ELAPOR2: variants seen among roughly 807,000 people sequenced by gnomAD.
ELAPOR2 encodes endosome/lysosome-associated apoptosis and autophagy regulator family member 2.
In ELAPOR2, 89 loss-of-function variants were observed where a neutral mutation model predicts 120.7. The observed-to-expected ratio is 0.74, with a 90% CI of 0.62 to 0.88. The LOEUF is 0.88. ELAPOR2 is among the 40% of genes least tolerant of loss of function. ELAPOR2 has a pLI of 0.00. For synonymous variants in ELAPOR2, 444 were observed against 444.9 expected (o/e 1.00, Z 0.03); for missense variants, 1,134 against 1,251.6 (o/e 0.91, Z 1.42).
chr7:87,006,763 C>T (rs1264309458), intron 1 of ELAPOR2, among the ~76,000 whole-genome samples: 1 of 152,074 alleles, frequency 6.6e-6, no homozygotes, highest in Non-Finnish European at 1.5e-5. Flanking sequence ...ATATTCACAG[C>T]CACTTATTAT....
intron 10 of ELAPOR2, among the ~76,000 whole-genome samples, chr7:86,922,173 A>G (rs1318584804): frequency 6.6e-6 from 1 of 152,074 alleles, no homozygotes; most frequent in Non-Finnish European, 1.5e-5. Flanking sequence ...AACAGTGTCA[A>G]CCAGAATGTT....
At chr7:87,049,904 C>T (rs914223336) in intron 1 of ELAPOR2, among the ~76,000 whole-genome samples, 2 of 152,126 alleles carry the variant, frequency 1.3e-5, no homozygotes, top group African/African-American at 2.4e-5. Flanking sequence ...ATGAGGGCTC[C>T]ATCCTCATAT....
At chr7:86,973,475 G>A (rs1048135923) in intron 1 of ELAPOR2, among the ~76,000 whole-genome samples, 2 of 151,954 alleles carry the variant, frequency 1.3e-5, no homozygotes, top group African/African-American at 2.4e-5. Context: ...TTCTCTTTCA[G>A]GTCCACCCCT....
chr7:86,891,984 T>C (rs940804439), intron 20 of ELAPOR2, 95 bp from the exon 21 acceptor site: 23 of 811,580 alleles, frequency 2.8e-5, no homozygotes, highest in Non-Finnish European at 4.1e-5. Flanking sequence ...GCTCATTAAA[T>C]TGACTTGGAG....
At position 86,878,273 on chromosome 7, in the gene ELAPOR2, C is replaced by G. The variant is rs1418880546; in HGVS notation, c.*2198G>C. 6.6e-6 allele frequency: 1 copy of G among 152,204 alleles called. No homozygotes were observed. Among genetic ancestry groups the G allele is most frequent in the African/African-American group, 2.4e-5 (1 of 41,452 alleles). The allele number at this position is 152,204 out of a possible 1,614,324, so 9.4% of individuals were successfully genotyped here. On this transcript the variant is annotated 3_prime_UTR_variant, in exon 22 of 22. Transcript: ENST00000450689. Reference sequence around the variant, plus strand: ...AAATATTTTCCCCATAATATTCTTTCTGTCATACTTCTTCAGTGCTTGAAA... The same window carrying G: ...AAATATTTTCCCCATAATATTCTTTGTGTCATACTTCTTCAGTGCTTGAAA...
chr7:86,947,475 T>C lies in ELAPOR2; in HGVS notation c.506+252A>G, dbSNP rs181454214. Reference sequence around the variant, plus strand: ...AGTGGCTTAAATGTAGTTATAAATATGAGAAAATTAATTTGCTTCTCTAAC... The same window carrying C: ...AGTGGCTTAAATGTAGTTATAAATACGAGAAAATTAATTTGCTTCTCTAAC... On this transcript the variant is annotated intron_variant, in intron 3 of 21. Transcript: ENST00000450689. Among the ~76,000 whole-genome samples, 281 of 152,332 alleles carry C rather than the reference T, an allele frequency of 1.8e-3. 1 individual carries two copies. The highest frequency in any genetic ancestry group is 5.5e-3 in the African/African-American group (227 of 41,560).
intron 1 of ELAPOR2, among the ~76,000 whole-genome samples, chr7:87,016,605 C>T (rs1793874007): frequency 6.6e-6 from 1 of 151,012 alleles, no homozygotes; most frequent in Non-Finnish European, 1.5e-5. Flanking sequence ...GATGTAAGAA[C>T]TGACCATACT....
intron 1 of ELAPOR2, among the ~76,000 whole-genome samples, chr7:87,050,889 G>T (rs1200285112): frequency 6.6e-6 from 1 of 152,182 alleles, no homozygotes; most frequent in African/African-American, 2.4e-5. Context: ...AGTGGAGATT[G>T]CAGAGTTCTA....
chr7:87,055,573 C>G (rs528092656), intron 1 of ELAPOR2, among the ~76,000 whole-genome samples: 65 of 152,092 alleles, frequency 4.3e-4, no homozygotes, highest in Admixed American at 6.6e-4. Context: ...GTCTTTCCCC[C>G]AAACTAGCCT....
At chr7:87,049,655 A>G (rs750648861) in intron 1 of ELAPOR2, among the ~76,000 whole-genome samples, 3 of 152,178 alleles carry the variant, frequency 2.0e-5, no homozygotes, top group Non-Finnish European at 4.4e-5. Flanking sequence ...ATGAGGGACA[A>G]AGCCAAGTAA....
chr7:86,884,882 G>T lies in ELAPOR2; in HGVS notation c.3031-4352C>A, dbSNP rs140996886. Among the ~76,000 whole-genome samples the T allele has an allele frequency of 1.6e-3, 237 of 152,266 alleles. 1 individual carries two copies. The highest frequency in any genetic ancestry group is 5.4e-3 in the African/African-American group (224 of 41,564). On this transcript the variant is annotated intron_variant, in intron 21 of 21. Transcript: ENST00000450689. ...CTTGCAATCTATCATGCAAATTTTAGATATATTCATAGATGACAGTAAAAA... is the reference window on the plus strand; with the variant it reads ...CTTGCAATCTATCATGCAAATTTTATATATATTCATAGATGACAGTAAAAA...
At position 86,880,916 on chromosome 7, in the gene ELAPOR2, A is replaced by T. The variant is rs111253399; in HGVS notation, c.3031-386T>A. Reference sequence around the variant, plus strand: ...AAAACAGAACTGACTAAATATTTTCAGGATAATATAGGCAGAATAATAAGA... The same window carrying T: ...AAAACAGAACTGACTAAATATTTTCTGGATAATATAGGCAGAATAATAAGA... On this transcript the variant is annotated intron_variant, in intron 21 of 21. Transcript: ENST00000450689. Among the ~76,000 whole-genome samples the T allele has an allele frequency of 5.9e-5, 9 of 152,198 alleles. 2 individuals carry two copies. Among genetic ancestry groups the T allele is most frequent in the Admixed American group, 2.6e-4 (4 of 15,284 alleles).
intron 1 of ELAPOR2, among the ~76,000 whole-genome samples, chr7:86,969,190 C>A (rs1030751999): frequency 1.4e-4 from 21 of 151,966 alleles, no homozygotes; most frequent in Admixed American, 1.3e-3. Flanking sequence ...TATCTTACAC[C>A]AAAAACACAA....
chr7:86,940,007 T>C lies in ELAPOR2; in HGVS notation c.847+3A>G. ...ACTACTAAAACAGAATGCCATGAAA[T>C]ACCTTCAATTGTGATATTTTTTACC... On this transcript the variant is annotated splice_donor_region_variant and intron_variant, in intron 6 of 21. Transcript: ENST00000450689. 1.3e-6 allele frequency: 2 copies of C among 1,577,670 alleles called. No individual in the cohort carries two copies. Among genetic ancestry groups the C allele is most frequent in the Non-Finnish European group, 1.7e-6 (2 of 1,151,442 alleles).
Position 86,926,789 on chromosome 7 carries a change from C to A in ELAPOR2, c.1217G>T (p.Gly406Val). The stretch of plus-strand genomic sequence containing the variant: ...AGGACAGGGATGGCAAGAAGATGAT[C>A]CATTGTTATAAAATCCAGGGTTGCA... ...PPCNPGFYNN[G>V]SSSCHPCPPG... The change falls in exon 9 of 22, where the codon GGA becomes GTA. Residue 406 changes from glycine (G) to valine (V), a missense_variant. Physicochemically the swap from Gly to Val is moderately radical, Grantham distance 109. Transcript: ENST00000450689. The A allele has an allele frequency of 6.2e-7, 1 of 1,611,770 alleles. No individual in the cohort carries two copies. The highest frequency in any genetic ancestry group is 8.5e-7 in the Non-Finnish European group (1 of 1,178,700).
chr7:87,050,319 T>C lies in ELAPOR2; in HGVS notation c.189+9006A>G, dbSNP rs184228425. Among the ~76,000 whole-genome samples, 363 of 152,258 alleles carry C rather than the reference T, an allele frequency of 2.4e-3. 1 individual carries two copies. The highest frequency in any genetic ancestry group is 3.9e-3 in the Non-Finnish European group (267 of 68,004). On this transcript the variant is annotated intron_variant, in intron 1 of 21. Transcript: ENST00000450689. The stretch of plus-strand genomic sequence containing the variant: ...GGCCTGGTGGGAGGTGTCTGGATCA[T>C]GGGGGCGGATTGCTCATGGCTTGGT...
chr7:87,023,503 C>T (rs900291537), intron 1 of ELAPOR2, among the ~76,000 whole-genome samples: 1 of 152,140 alleles, frequency 6.6e-6, no homozygotes, highest in South Asian at 2.1e-4. Context: ...TAGTGTGATG[C>T]CTCCAGCTTT....
chr7:87,028,344 T>C (rs1794313973), intron 1 of ELAPOR2, among the ~76,000 whole-genome samples: 1 of 152,166 alleles, frequency 6.6e-6, no homozygotes, highest in African/African-American at 2.4e-5. Flanking sequence ...CAACTGTGTT[T>C]GATTTCATCC....
chr7:87,020,254 A>AT (rs1793997412), intron 1 of ELAPOR2, among the ~76,000 whole-genome samples: 2 of 152,048 alleles, frequency 1.3e-5, no homozygotes, highest in Non-Finnish European at 2.9e-5. Context: ...GTAATTCTGT[A>AT]TTTTCTAAAT....
Sources: allele counts gnomAD v4.1 joint callset (sites outside exome capture counted in the v4.1 genomes callset), GRCh38; gene constraint gnomAD v4.1.1; transcripts MANE v1.5; gene names NCBI Gene and HGNC (gene_info 2026-07-23, HGNC 2026-07-21).